Variants in GPC5 observed in about 807,000 individuals in gnomAD.
GPC5 encodes glypican-5.
Under a neutral mutation model 53.9 loss-of-function variants are expected in GPC5, and 47 were observed. The ratio of observed to expected loss-of-function variants is 0.87; its 90% CI spans 0.69 to 1.11. The LOEUF (loss-of-function observed/expected upper bound fraction) is 1.11. GPC5 is among the 50% of genes most tolerant of loss of function. The pLI is 0.00. For missense variants in GPC5, 748 were observed against 713.1 expected (o/e 1.05, Z -0.56); for synonymous variants, 286 against 263.3 (o/e 1.09, Z -0.84).
chr13:91,913,927 C>T (rs752560530), intron 6 of GPC5, among the ~76,000 whole-genome samples: 2 of 152,184 alleles, frequency 1.3e-5, no homozygotes, highest in Non-Finnish European at 2.9e-5. Context: ...CAGATGTTTG[C>T]GTCAGACTCA....
intron 6 of GPC5, among the ~76,000 whole-genome samples, chr13:91,928,087 A>G (rs188968036): frequency 6.6e-6 from 1 of 152,296 alleles, no homozygotes; most frequent in African/African-American, 2.4e-5. Flanking sequence ...ATCTGTTCTC[A>G]GTTACTGAGC....
chr13:92,291,999 C>G (rs936260570), intron 7 of GPC5, among the ~76,000 whole-genome samples: 2 of 152,176 alleles, frequency 1.3e-5, no homozygotes, highest in Admixed American at 1.3e-4. Context: ...CACAAGGGTC[C>G]GCGGCTTCAT....
Position 91,571,821 on chromosome 13 carries a change from GTATA to G in GPC5, c.326-121361_326-121358del, listed in dbSNP as rs1254778902. On this transcript the variant is annotated intron_variant, in intron 2 of 7. Transcript: ENST00000377067. The stretch of plus-strand genomic sequence containing the variant: ...TATATATACACACACATACGTGTGT[GTATA>G]TATACACATATACTTGTGTGTATAT... Among the ~76,000 whole-genome samples, 274 of 94,016 alleles carry G rather than the reference GTATA, an allele frequency of 2.9e-3. 3 individuals carry two copies. Among genetic ancestry groups the G allele is most frequent in the South Asian group, 4.2e-3 (13 of 3,066 alleles). The allele number at this position is 94,016 out of a possible 152,430, so 61.7% of individuals were successfully genotyped here. A position where few individuals can be genotyped will look rare whatever the true frequency, so the allele number is the denominator to read the frequency against.
chr13:91,966,742 A>G (rs560995344), intron 6 of GPC5, among the ~76,000 whole-genome samples: 1 of 152,318 alleles, frequency 6.6e-6, no homozygotes, highest in Non-Finnish European at 1.5e-5. Flanking sequence ...CTGAACTATG[A>G]TGTAAGTCAT....
chr13:92,519,669 G>A (rs1880949779), intron 7 of GPC5, among the ~76,000 whole-genome samples: 1 of 152,100 alleles, frequency 6.6e-6, no homozygotes, highest in African/African-American at 2.4e-5. Context: ...GCCCACAAGA[G>A]AAAGCAGGAA....
chr13:91,838,385 T>C (rs1021608384), intron 5 of GPC5, among the ~76,000 whole-genome samples: 2 of 152,100 alleles, frequency 1.3e-5, no homozygotes, highest in African/African-American at 4.8e-5. Flanking sequence ...ATTCAATAAT[T>C]TTCATAACAC....
intron 7 of GPC5, among the ~76,000 whole-genome samples, chr13:92,637,824 T>A (rs1324441494): frequency 6.6e-6 from 1 of 152,106 alleles, no homozygotes; most frequent in African/African-American, 2.4e-5. Context: ...TTGCTAAAAT[T>A]AGTAGATAAT....
intron 6 of GPC5, among the ~76,000 whole-genome samples, chr13:92,089,339 C>A (rs2041360955): frequency 6.6e-6 from 1 of 152,062 alleles, no homozygotes; most frequent in East Asian, 1.9e-4. Context: ...GAGGCTGAGG[C>A]AGGAGAATGG....
intron 7 of GPC5, among the ~76,000 whole-genome samples, chr13:92,567,831 T>G (rs1882907534): frequency 6.6e-6 from 1 of 152,168 alleles, no homozygotes; most frequent in African/African-American, 2.4e-5. Flanking sequence ...CATTTGTTAT[T>G]GTTTTAAGCC....
intron 5 of GPC5, among the ~76,000 whole-genome samples, chr13:91,810,792 G>A (rs1237405609): frequency 1.3e-5 from 2 of 151,812 alleles, no homozygotes; most frequent in Non-Finnish European, 2.9e-5. Context: ...AGATGTTATA[G>A]TAAAACATTA....
At chr13:92,768,772 TG>T (rs1313081877) in intron 7 of GPC5, among the ~76,000 whole-genome samples, 1 of 151,436 alleles carries the variant, frequency 6.6e-6, no homozygotes, top group Non-Finnish European at 1.5e-5. Flanking sequence ...ACCAGAACCC[TG>T]ACTGCACTTA....
chr13:92,266,596 G>A (rs1003852000), intron 7 of GPC5, among the ~76,000 whole-genome samples: 2 of 152,064 alleles, frequency 1.3e-5, no homozygotes, highest in African/African-American at 4.8e-5. Context: ...TCTTCTGATG[G>A]AAGCTATGTA....
intron 5 of GPC5, among the ~76,000 whole-genome samples, chr13:91,785,164 G>A (rs1268519656): frequency 6.6e-6 from 1 of 152,066 alleles, no homozygotes; most frequent in East Asian, 1.9e-4. Flanking sequence ...TGCACCTGAG[G>A]GCTCAGGCTT....
At chr13:91,420,389 G>C (rs1312403015) in intron 1 of GPC5, among the ~76,000 whole-genome samples, 4 of 152,040 alleles carry the variant, frequency 2.6e-5, no homozygotes, top group Admixed American at 2.0e-4. Context: ...CACTTCTTCT[G>C]TACCCTTGCT....
At chr13:91,662,347 A>G (rs1173281424) in intron 2 of GPC5, among the ~76,000 whole-genome samples, 1 of 152,198 alleles carries the variant, frequency 6.6e-6, no homozygotes, top group Non-Finnish European at 1.5e-5. Context: ...AAATTCACCA[A>G]CTGATTTGGC....
intron 7 of GPC5, among the ~76,000 whole-genome samples, chr13:92,442,101 TAAAG>T (rs772253120): frequency 3.3e-5 from 5 of 152,022 alleles, no homozygotes; most frequent in Non-Finnish European, 7.4e-5. Flanking sequence ...TCGAGACAAA[TAAAG>T]AAAATTTAAA....
intron 7 of GPC5, among the ~76,000 whole-genome samples, chr13:92,727,083 G>A (rs1161892634): frequency 1.3e-5 from 2 of 151,428 alleles, no homozygotes; most frequent in African/African-American, 4.8e-5. Context: ...TGGGATATCT[G>A]TGTTTAAACC....
intron 1 of GPC5, among the ~76,000 whole-genome samples, chr13:91,411,094 C>T (rs895226322): frequency 8.6e-5 from 13 of 152,018 alleles, no homozygotes; most frequent in Admixed American, 3.3e-4. Flanking sequence ...GGCGTCAGAG[C>T]GAGACTCTGT....
chr13:92,245,279 G>C (rs1249141278), intron 7 of GPC5, among the ~76,000 whole-genome samples: 1 of 151,978 alleles, frequency 6.6e-6, no homozygotes, highest in Non-Finnish European at 1.5e-5. Flanking sequence ...ATTTCAAAGG[G>C]CTGTCCATGA....
Sources: allele counts gnomAD v4.1 joint callset (sites outside exome capture counted in the v4.1 genomes callset), GRCh38; gene constraint gnomAD v4.1.1; transcripts MANE v1.5; gene names NCBI Gene and HGNC (gene_info 2026-07-23, HGNC 2026-07-21).